Variants in VCAN observed in about 807,000 individuals in gnomAD.
VCAN encodes the protein versican core protein.
A neutral mutation model predicts 245.5 loss-of-function variants in VCAN; 44 were observed. The ratio of observed to expected loss-of-function variants is 0.18; its 90% confidence interval spans 0.14 to 0.23. VCAN has a LOEUF of 0.23. VCAN is among the 10% of genes least tolerant of loss of function. The pLI is 1.00. For missense variants in VCAN, 3,793 were observed against 4,057.9 expected, an observed-to-expected ratio of 0.93 and a Z score of 1.77; for synonymous variants, 1,413 against 1,437.0, an observed-to-expected ratio of 0.98 and a Z score of 0.38.
At chr5:83,481,396 C>CT (rs1744611394) in intron 1 of VCAN, among the ~76,000 whole-genome samples, 1 of 151,928 alleles carries the variant, frequency 6.6e-6, no homozygotes, top group Non-Finnish European at 1.5e-5. Flanking sequence ...TCTTTAACAC[C>CT]TTTTTATCAT....
At chr5:83,551,684 GA>G (rs1747476927) in intron 10 of VCAN, among the ~76,000 whole-genome samples, 1 of 152,104 alleles carries the variant, frequency 6.6e-6, no homozygotes, top group Non-Finnish European at 1.5e-5. Context: ...CATGGTTAAG[GA>G]AAGTTATGCC....
chr5:83,553,377 T>C lies in VCAN; in HGVS notation c.9507T>C (p.Cys3169=). The C allele has an allele frequency of 6.2e-7, 1 of 1,613,998 alleles. No individual in the cohort carries two copies. Among genetic ancestry groups the C allele is most frequent in the Non-Finnish European group, 8.5e-7 (1 of 1,179,948 alleles). ...GTTTCTTCTCAGATACCGAGACATG[T>C]GACTATGGCTGGCACAAATTCCAAG... ...GALCEQDTET[C]DYGWHKFQGQ... Residue 3169 remains cysteine, a synonymous_variant, in exon 11 of 15, where the codon TGT becomes TGC. Coordinates refer to ENST00000265077, the MANE Select transcript of VCAN (RefSeq NM_004385.5).
intron 10 of VCAN, among the ~76,000 whole-genome samples, chr5:83,548,862 G>T (rs1267679887): frequency 5.9e-5 from 9 of 152,164 alleles, no homozygotes; most frequent in African/African-American, 2.2e-4. Context: ...TAGACACTCA[G>T]GCACATTGGT....
chr5:83,500,040 T>C (rs1309389986), intron 5 of VCAN, among the ~76,000 whole-genome samples: 1 of 152,202 alleles, frequency 6.6e-6, no homozygotes, highest in Non-Finnish European at 1.5e-5. Context: ...GTAATTTCTT[T>C]CCTATAGATT....
Position 83,521,556 on chromosome 5 carries a change from T to C in VCAN, c.3250T>C (p.Ser1084Pro), listed in dbSNP as rs751923676. ...TVSEDELLTG[S>P]ERVPVLETTP... ...CTCTGAAGATGAATTGTTGACAGGTTCTGAGAGGGTCCCAGTTTTAGAAAC... is the reference window on the plus strand; with the variant it reads ...CTCTGAAGATGAATTGTTGACAGGTCCTGAGAGGGTCCCAGTTTTAGAAAC... Residue 1084 changes from serine to proline, a missense_variant, in exon 7 of 15, where the codon TCT becomes CCT. By Grantham distance (74) the Ser-to-Pro change is moderately conservative. This residue lies in a region of VCAN where 3,182 missense variants were observed against 3,250.3 expected (regional missense o/e 0.98). Transcript: ENST00000265077. The C allele has an allele frequency of 8.7e-6, 14 of 1,613,950 alleles. No individual in the cohort carries two copies. The highest frequency in any genetic ancestry group is 1.1e-5 in the Non-Finnish European group (13 of 1,180,024).
intron 13 of VCAN, among the ~76,000 whole-genome samples, chr5:83,577,927 G>A (rs1461919081): frequency 6.6e-6 from 1 of 152,108 alleles, no homozygotes; most frequent in East Asian, 1.9e-4. Context: ...TTCATATTTA[G>A]TTTTAGAAGA....
chr5:83,551,588 G>T (rs146199405), intron 10 of VCAN, among the ~76,000 whole-genome samples: 11 of 152,210 alleles, frequency 7.2e-5, no homozygotes, highest in Admixed American at 7.2e-4. Context: ...AGATAAAAAA[G>T]GGTATGTAGA....
intron 12 of VCAN, among the ~76,000 whole-genome samples, chr5:83,566,660 A>T (rs1288529550): frequency 6.6e-6 from 1 of 152,140 alleles, no homozygotes; most frequent in African/African-American, 2.4e-5. Flanking sequence ...ATAGCTCTCC[A>T]ACCATTCTGA....
In VCAN at chr5:83,553,432, C is replaced by T. The variant is rs768294015; in HGVS notation, c.9562C>T (p.Arg3188Cys). ...GQCYKYFAHR[R>C]TWDAAERECR... ...GTGCTACAAATACTTTGCCCATCGA[C>T]GCACATGGGATGCAGCTGAACGGGA... Residue 3188 changes from arginine to cysteine, a missense_variant, in exon 11 of 15, where the codon CGC (arginine) becomes TGC (cysteine). Arg to Cys is a radical substitution (Grantham distance 180). Around this residue, in one of 5 missense-constraint regions of VCAN, gnomAD observed 205 missense variants for 321.1 expected, o/e 0.64. Coordinates refer to ENST00000265077, the MANE Select transcript of VCAN (RefSeq NM_004385.5). 1.1e-5 allele frequency: 18 copies of T among 1,613,962 alleles called. No homozygotes were observed. The highest frequency in any genetic ancestry group is 1.7e-5 in the Admixed American group (1 of 59,996).
chr5:83,481,172 G>A (rs1332313381), intron 1 of VCAN, among the ~76,000 whole-genome samples: 3 of 150,350 alleles, frequency 2.0e-5, no homozygotes, highest in Non-Finnish European at 4.4e-5. Context: ...ATAAAAAATA[G>A]AGAACAAATT....
intron 13 of VCAN, among the ~76,000 whole-genome samples, chr5:83,579,123 T>C (rs309577): frequency 1.3e-5 from 2 of 152,026 alleles, no homozygotes; most frequent in African/African-American, 4.8e-5. Flanking sequence ...CTTGTCTCAA[T>C]ACAGAAGACA....
chr5:83,576,750 A>C (rs771049774), intron 13 of VCAN, among the ~76,000 whole-genome samples: 2 of 152,100 alleles, frequency 1.3e-5, no homozygotes, highest in Non-Finnish European at 2.9e-5. Context: ...TGGACTTTGA[A>C]ATTTTTGCCA....
At position 83,581,140 on chromosome 5, in the gene VCAN, T is replaced by G. The variant is rs2112512558; in HGVS notation, c.*706T>G. ...TCTTCACTTACAAGAAAGGCCTGAATGGAGGACTTTTCTGTAACCAGGAAC... is the reference window on the plus strand; with the variant it reads ...TCTTCACTTACAAGAAAGGCCTGAAGGGAGGACTTTTCTGTAACCAGGAAC... On this transcript the variant is annotated 3_prime_UTR_variant, in exon 15 of 15. Coordinates refer to ENST00000265077, the MANE Select transcript of VCAN (RefSeq NM_004385.5). 6.5e-6 allele frequency: 1 copy of G among 153,360 alleles called. No homozygotes were observed. The highest frequency in any genetic ancestry group is 1.9e-4 in the East Asian group (1 of 5,192). The allele number at this position is 153,360 out of a possible 1,614,324, so 9.5% of individuals were successfully genotyped here. A position where few individuals can be genotyped will look rare whatever the true frequency, so the allele number is the denominator to read the frequency against.
intron 1 of VCAN, among the ~76,000 whole-genome samples, chr5:83,480,961 A>G (rs1479480304): frequency 2.0e-5 from 3 of 152,248 alleles, no homozygotes; most frequent in East Asian, 3.9e-4. Flanking sequence ...ACATTATTTT[A>G]TCAATTCCTA....
At position 83,512,110 on chromosome 5, in the gene VCAN, G is replaced by A. The variant is rs1283299330; in HGVS notation, c.756G>A (p.Val252=). 1.2e-6 allele frequency: 2 copies of A among 1,613,844 alleles called. No individual in the cohort carries two copies. The highest frequency in any genetic ancestry group is 8.5e-7 in the Non-Finnish European group (1 of 1,179,974). The change falls in exon 6 of 15, where the codon GTG becomes GTA. Residue 252 remains valine (V), a synonymous_variant. Coordinates refer to ENST00000265077, the MANE Select transcript of VCAN (RefSeq NM_004385.5). ...CCCTTCTTTTTTTTCCAGGTGATGT[G>A]TTCCACCTCACTGTCCCCAGTAAAT... ...YCYVDHLDGD[V]FHLTVPSKFT...
At chr5:83,509,212 T>C (rs1745576769) in intron 5 of VCAN, among the ~76,000 whole-genome samples, 1 of 152,218 alleles carries the variant, frequency 6.6e-6, no homozygotes, top group Admixed American at 6.5e-5. Flanking sequence ...TATCGTATAC[T>C]TCAAACAAGT....
In VCAN at chr5:83,540,979, A is replaced by G; in HGVS notation, c.7976A>G (p.Asp2659Gly). Reference protein sequence around the residue: ...ATHDESMTYEDRSQLDHMGFH... With the variant: ...ATHDESMTYEGRSQLDHMGFH... The stretch of plus-strand genomic sequence containing the variant: ...CATGATGAATCAATGACTTATGAAG[A>G]TAGAAGCCAACTAGATCACATGGGC... Residue 2659 changes from aspartate to glycine, a missense_variant, in exon 8 of 15, where the codon GAT becomes GGT. Asp to Gly is a moderately conservative substitution (Grantham distance 94, BLOSUM62 -1). Transcript: ENST00000265077. 2 of 1,614,116 alleles carry G rather than the reference A, an allele frequency of 1.2e-6. No individual in the cohort carries two copies. Among genetic ancestry groups the G allele is most frequent in the Non-Finnish European group, 8.5e-7 (1 of 1,179,994 alleles).
rs1399205925 is a variant in VCAN at position 83,537,964 on chromosome 5, C to T, written c.4961C>T (p.Thr1654Ile). ...GAAGAAGATGAAGATACAATGTTCA[C>T]CATGGTAACTGATTTATCACAGAGA... ...EAEEDEDTMF[T>I]MVTDLSQRNT... is the part of the protein sequence containing the mutation. Residue 1654 changes from threonine to isoleucine, a missense_variant, in exon 8 of 15, where the codon ACC becomes ATC. By Grantham distance (89) the Thr-to-Ile change is moderately conservative. Around this residue, in one of 5 missense-constraint regions of VCAN, gnomAD observed 3,182 missense variants for 3,250.3 expected, o/e 0.98. Transcript: ENST00000265077. 1.2e-6 allele frequency: 2 copies of T among 1,613,818 alleles called. No homozygotes were observed. The highest frequency in any genetic ancestry group is 1.7e-6 in the Non-Finnish European group (2 of 1,179,928).
At chr5:83,546,525 G>T (rs1348727479) in intron 9 of VCAN, among the ~76,000 whole-genome samples, 1 of 151,706 alleles carries the variant, frequency 6.6e-6, no homozygotes, top group Non-Finnish European at 1.5e-5. Context: ...GGAGGGCGAG[G>T]TGGGCGAATC....
Sources: allele counts gnomAD v4.1 joint callset (sites outside exome capture counted in the v4.1 genomes callset), GRCh38; gene constraint gnomAD v4.1.1; regional missense constraint gnomAD v4.1.1; transcripts MANE v1.5; gene names NCBI Gene and HGNC (gene_info 2026-07-23, HGNC 2026-07-21).